The following UBE2D1 variants were observed in gnomAD, a reference collection of about 807,000 sequenced individuals.
UBE2D1 encodes ubiquitin-conjugating enzyme E2 D1.
Under a neutral mutation model 24.6 loss-of-function variants are expected in UBE2D1, and 9 were observed. The observed-to-expected ratio is 0.37, with a 90% CI of 0.22 to 0.64. UBE2D1 has a LOEUF of 0.64. Among genes scored for constraint, UBE2D1 ranks in the 30% least tolerant of loss-of-function variants. The probability of loss-of-function intolerance (pLI) is 0.64; values close to 1 mark genes in which losing one functional copy is unlikely to be tolerated. For missense variants in UBE2D1, 87 were observed against 177.1 expected, an observed-to-expected ratio of 0.49 and a Z score of 2.89; for synonymous variants, 57 against 57.6, an observed-to-expected ratio of 0.99 and a Z score of 0.04.
chr10:58,336,930 C>T (rs1839909692), intron 1 of UBE2D1, among the ~76,000 whole-genome samples: 1 of 152,166 alleles, frequency 6.6e-6, no homozygotes, highest in Non-Finnish European at 1.5e-5. Context: ...AGACACAAGT[C>T]ACCATACCCA....
intron 1 of UBE2D1, among the ~76,000 whole-genome samples, chr10:58,337,790 G>C (rs1273348840): frequency 6.6e-6 from 1 of 152,112 alleles, no homozygotes; most frequent in Non-Finnish European, 1.5e-5. Context: ...GTTCTGGCCT[G>C]TCCTTATTCA....
chr10:58,350,330 A>G (rs1840059290), intron 1 of UBE2D1, among the ~76,000 whole-genome samples: 1 of 152,080 alleles, frequency 6.6e-6, no homozygotes, highest in Non-Finnish European at 1.5e-5. Flanking sequence ...GTGGCATAGC[A>G]TTTTGGTTTA....
intron 1 of UBE2D1, among the ~76,000 whole-genome samples, chr10:58,336,233 A>G (rs890214118): frequency 6.6e-6 from 1 of 152,216 alleles, no homozygotes; most frequent in African/African-American, 2.4e-5. Context: ...GTTACAGTTC[A>G]CACTGGCAAC....
chr10:58,343,068 T>C (rs977888718), intron 1 of UBE2D1, among the ~76,000 whole-genome samples: 55 of 152,266 alleles, frequency 3.6e-4, no homozygotes, highest in African/African-American at 1.3e-3. Context: ...TGACCTCAGG[T>C]GATCCACCTG....
At chr10:58,367,805 T>C in intron 5 of UBE2D1, 118 bp from the exon 6 acceptor site, 2 of 499,520 alleles carry the variant, frequency 4.0e-6, no homozygotes, top group Non-Finnish European at 6.7e-6. Context: ...TTTGATGTGT[T>C]CATTTTATGT....
At chr10:58,366,797 G>T (rs1428375961) in intron 5 of UBE2D1, among the ~76,000 whole-genome samples, 1 of 151,884 alleles carries the variant, frequency 6.6e-6, no homozygotes, top group African/African-American at 2.4e-5. Flanking sequence ...TGCCCAGGCT[G>T]GTCTCGAACT....
intron 1 of UBE2D1, among the ~76,000 whole-genome samples, chr10:58,347,421 G>A (rs1321148458): frequency 1.3e-5 from 2 of 152,112 alleles, no homozygotes; most frequent in Non-Finnish European, 2.9e-5. Context: ...TTTTATTTAT[G>A]TAATTCCTCT....
At chr10:58,340,246 C>T (rs1191684524) in intron 1 of UBE2D1, among the ~76,000 whole-genome samples, 1 of 151,942 alleles carries the variant, frequency 6.6e-6, no homozygotes, top group African/African-American at 2.4e-5. Context: ...TTGGATAAGC[C>T]ACCTAGTCAG....
chr10:58,368,250 A>T (rs966938851), intron 6 of UBE2D1: 1 of 362,978 alleles, frequency 2.8e-6, no homozygotes, highest in East Asian at 4.3e-5. Flanking sequence ...TGAAAAATAG[A>T]TGTATATATT....
chr10:58,343,533 A>C (rs1839984891), intron 1 of UBE2D1, among the ~76,000 whole-genome samples: 1 of 152,226 alleles, frequency 6.6e-6, no homozygotes, highest in South Asian at 2.1e-4. Context: ...AACCATACAT[A>C]TACATGTATA....
intron 5 of UBE2D1, among the ~76,000 whole-genome samples, chr10:58,365,192 C>T (rs1405916019): frequency 6.6e-6 from 1 of 152,080 alleles, no homozygotes; most frequent in Non-Finnish European, 1.5e-5. Context: ...AGAGAGTGCC[C>T]GGGCACTGTG....
At chr10:58,346,351 C>CAA (rs1840017376) in intron 1 of UBE2D1, among the ~76,000 whole-genome samples, 1 of 152,080 alleles carries the variant, frequency 6.6e-6, no homozygotes, top group African/African-American at 2.4e-5. Context: ...TTGCCCTCAT[C>CAA]AAACTCAAGA....
chr10:58,356,484 C>T (rs1310917008), intron 1 of UBE2D1, among the ~76,000 whole-genome samples: 1 of 152,092 alleles, frequency 6.6e-6, no homozygotes, highest in Non-Finnish European at 1.5e-5. Flanking sequence ...AAGCCATTCT[C>T]TTATTGATGG....
Position 58,363,620 on chromosome 10 carries a change from A to G in UBE2D1, c.132A>G (p.Ala44=), listed in dbSNP as rs573007021. Residue 44 remains alanine, a synonymous_variant, in exon 4 of 7, where the codon GCA becomes GCG. Coordinates refer to ENST00000373910, the MANE Select transcript of UBE2D1 (RefSeq NM_003338.5). ...TTTTGTAATTTCAGCCTGATAGCGCATATCAAGGTGGAGTCTTCTTTCTCA... is the reference window on the plus strand; with the variant it reads ...TTTTGTAATTTCAGCCTGATAGCGCGTATCAAGGTGGAGTCTTCTTTCTCA... ...QATIMGPPDS[A]YQGGVFFLTV... 3 of 1,610,448 alleles carry G rather than the reference A, an allele frequency of 1.9e-6. No homozygotes were observed. The African/African-American group carries it at 4.0e-5, about 22-fold the overall frequency.
At chr10:58,366,583 A>C (rs1350510380) in intron 5 of UBE2D1, among the ~76,000 whole-genome samples, 1 of 151,890 alleles carries the variant, frequency 6.6e-6, no homozygotes. Flanking sequence ...TATTTTTTTA[A>C]ATTTTTAATT....
In UBE2D1 at chr10:58,352,133, C is replaced by A. The variant is rs188345723; in HGVS notation, c.25-9205C>A. On this transcript the variant is annotated intron_variant, in intron 1 of 6. Transcript: ENST00000373910. ...GTTTCACATTTCTTTTTTTTCTTTC[C>A]ATTTTCAACACATTGTCACAGTAGC... 7.3e-3 allele frequency among the ~76,000 whole-genome samples: 1,099 copies of A among 151,584 alleles called. 9 individuals carry two copies. The highest frequency in any genetic ancestry group is 8.9e-3 in the Non-Finnish European group (605 of 67,868).
At chr10:58,353,569 A>G (rs1341416432) in intron 1 of UBE2D1, among the ~76,000 whole-genome samples, 1 of 152,238 alleles carries the variant, frequency 6.6e-6, no homozygotes, top group Non-Finnish European at 1.5e-5. Flanking sequence ...AACTAGAGAA[A>G]TGGAAACAAA....
chr10:58,349,993 T>A (rs150443476), intron 1 of UBE2D1, among the ~76,000 whole-genome samples: 2 of 152,356 alleles, frequency 1.3e-5, no homozygotes, highest in African/African-American at 2.4e-5. Flanking sequence ...TCATTCATTC[T>A]TACTGCATGA....
intron 1 of UBE2D1, among the ~76,000 whole-genome samples, chr10:58,359,034 C>T (rs1045255161): frequency 7.8e-6 from 1 of 127,548 alleles, no homozygotes; most frequent in Admixed American, 7.6e-5. Flanking sequence ...AAAAAAAAAG[C>T]AAAACAAAAA....
Sources: allele counts gnomAD v4.1 joint callset (sites outside exome capture counted in the v4.1 genomes callset), GRCh38; gene constraint gnomAD v4.1.1; transcripts MANE v1.5; gene names NCBI Gene and HGNC (gene_info 2026-07-23, HGNC 2026-07-21).